Variants in KALRN observed in about 807,000 individuals in gnomAD.
KALRN encodes the protein kalirin.
Under a neutral mutation model 353.7 loss-of-function variants are expected in KALRN, and 70 were observed. The ratio of observed to expected loss-of-function variants is 0.20; its 90% CI spans 0.16 to 0.24. The LOEUF (loss-of-function observed/expected upper bound fraction) is 0.24, where lower values mean the gene tolerates loss of function less well. Among genes scored for constraint, KALRN ranks in the 10% least tolerant of loss-of-function variants. KALRN has a pLI of 1.00. For synonymous variants in KALRN, 1,391 were observed against 1,434.8 expected (o/e 0.97, Z 0.69); for missense variants, 2,791 against 3,756.7 (o/e 0.74, Z 6.72).
intron 54 of KALRN, among the ~76,000 whole-genome samples, 161 bp from the exon 55 acceptor site, chr3:124,697,432 C>T (rs2062106535): frequency 1.3e-5 from 2 of 152,202 alleles, no homozygotes; most frequent in South Asian, 4.1e-4. Context: ...GTGTCTCCCA[C>T]ATCTGCCTTG....
At chr3:124,563,138 G>A (rs758138642) in intron 34 of KALRN, 49 bp downstream of exon 34, 7 of 1,340,416 alleles carry the variant, frequency 5.2e-6, no homozygotes, top group Admixed American at 1.9e-5. Flanking sequence ...GGCCATGAGC[G>A]CTGGCCTGAC....
At chr3:124,651,528 A>T (rs1463434987) in intron 38 of KALRN, among the ~76,000 whole-genome samples, 1 of 152,208 alleles carries the variant, frequency 6.6e-6, no homozygotes. Flanking sequence ...AGAGTTACCT[A>T]TGTTGATATG....
chr3:124,215,943 G>A lies in KALRN; in HGVS notation c.74-12047G>A, dbSNP rs1045759712. Reference sequence around the variant, plus strand: ...TTCTGCTGGCTCTAACCTTGACACAGTGTCATGAATCGAGGAAGGGCCTGG... The same window carrying A: ...TTCTGCTGGCTCTAACCTTGACACAATGTCATGAATCGAGGAAGGGCCTGG... On this transcript the variant is annotated intron_variant, in intron 1 of 59. Transcript: ENST00000682506. Among the ~76,000 whole-genome samples, 32 of 152,294 alleles carry A rather than the reference G, an allele frequency of 2.1e-4. 1 individual carries two copies. The Middle Eastern group carries it at 0.01, about 49-fold the overall frequency.
intron 32 of KALRN, among the ~76,000 whole-genome samples, chr3:124,495,358 A>G (rs542173196): frequency 6.6e-6 from 1 of 152,214 alleles, no homozygotes; most frequent in Non-Finnish European, 1.5e-5. Flanking sequence ...TGAAGGTCTA[A>G]TATCAGGAAT....
At chr3:124,689,802 A>G (rs1315840817) in intron 51 of KALRN, among the ~76,000 whole-genome samples, 3 of 152,212 alleles carry the variant, frequency 2.0e-5, no homozygotes, top group Admixed American at 2.0e-4. Flanking sequence ...TAGCAAAAAA[A>G]ATTTATGACT....
At chr3:124,372,030 G>A (rs545969792) in intron 10 of KALRN, among the ~76,000 whole-genome samples, 1 of 152,200 alleles carries the variant, frequency 6.6e-6, no homozygotes, top group African/African-American at 2.4e-5. Context: ...CCACAAATAA[G>A]TGAGAACATG....
chr3:124,075,614 G>A (rs1356176712), intron 1 of KALRN, among the ~76,000 whole-genome samples: 1 of 152,130 alleles, frequency 6.6e-6, no homozygotes, highest in African/African-American at 2.4e-5. Context: ...ATGCAGGGAT[G>A]TTTGCTTTCT....
intron 6 of KALRN, among the ~76,000 whole-genome samples, chr3:124,307,745 C>A (rs1242753542): frequency 6.6e-6 from 1 of 151,776 alleles, no homozygotes; most frequent in East Asian, 1.9e-4. Context: ...AGAAAAAAGT[C>A]AAATGGCAGA....
intron 28 of KALRN, among the ~76,000 whole-genome samples, chr3:124,485,552 G>A (rs567715087): frequency 6.6e-6 from 1 of 152,172 alleles, no homozygotes; most frequent in South Asian, 2.1e-4. Context: ...GCAGGAATTT[G>A]ATTGTGAGGA....
chr3:124,639,219 T>C (rs980140852), intron 37 of KALRN, among the ~76,000 whole-genome samples: 1 of 139,362 alleles, frequency 7.2e-6, no homozygotes, highest in Non-Finnish European at 1.5e-5. Flanking sequence ...AGCATAGTGG[T>C]CATTCAGGGT....
chr3:124,687,497 T>C (rs2061617595), intron 51 of KALRN, among the ~76,000 whole-genome samples: 1 of 152,056 alleles, frequency 6.6e-6, no homozygotes. Flanking sequence ...TTTTCATCCT[T>C]TTTATTTTTG....
intron 1 of KALRN, among the ~76,000 whole-genome samples, chr3:124,057,958 TTA>T (rs767624054): frequency 2.6e-5 from 4 of 152,200 alleles, no homozygotes; most frequent in Admixed American, 1.3e-4. Flanking sequence ...CAAAAGAGGT[TTA>T]TAATGGATTT....
intron 1 of KALRN, among the ~76,000 whole-genome samples, chr3:124,084,272 C>T (rs1316631280): frequency 1.3e-5 from 2 of 152,202 alleles, no homozygotes; most frequent in African/African-American, 4.8e-5. Flanking sequence ...AAATGGTAAT[C>T]CAACCCCACG....
intron 3 of KALRN, 33 bp from the exon 4 acceptor site, chr3:124,264,463 CAG>C: frequency 1.3e-6 from 2 of 1,598,184 alleles, no homozygotes; most frequent in Non-Finnish European, 1.7e-6. Context: ...CTCAGCTACC[CAG>C]AGTGACCATA....
At chr3:124,480,812 C>A (rs1456609825) in intron 27 of KALRN, among the ~76,000 whole-genome samples, 2 of 152,190 alleles carry the variant, frequency 1.3e-5, no homozygotes, top group African/African-American at 2.4e-5. Flanking sequence ...AATACATGGT[C>A]TTTTGTGACT....
chr3:124,620,872 T>C (rs890566669), intron 34 of KALRN, among the ~76,000 whole-genome samples: 5 of 152,168 alleles, frequency 3.3e-5, no homozygotes, highest in African/African-American at 1.2e-4. Context: ...GGACAGTCAA[T>C]TGGGAACTTT....
chr3:124,254,627 A>G (rs2071662476), intron 3 of KALRN, among the ~76,000 whole-genome samples: 2 of 152,200 alleles, frequency 1.3e-5, no homozygotes, highest in African/African-American at 2.4e-5. Context: ...GATAATGTAT[A>G]TAAATGTTAA....
chr3:124,395,547 A>C, intron 12 of KALRN: 1 of 544,058 alleles, frequency 1.8e-6, no homozygotes, highest in East Asian at 2.9e-5. Context: ...AATGTTTCAA[A>C]GAATTATTTA....
At chr3:124,258,013 A>G (rs1373369994) in intron 3 of KALRN, among the ~76,000 whole-genome samples, 2 of 152,182 alleles carry the variant, frequency 1.3e-5, no homozygotes, top group Non-Finnish European at 2.9e-5. Flanking sequence ...CCTGTTAGTT[A>G]TGTTCCACTG....
Sources: allele counts gnomAD v4.1 joint callset (sites outside exome capture counted in the v4.1 genomes callset), GRCh38; gene constraint gnomAD v4.1.1; transcripts MANE v1.5; gene names NCBI Gene and HGNC (gene_info 2026-07-23, HGNC 2026-07-21).